Variants in DDAH1 observed in about 807,000 individuals in gnomAD.
The protein encoded by DDAH1 is dimethylarginine dimethylaminohydrolase 1, also known as N(G),N(G)-dimethylarginine dimethylaminohydrolase 1.
DDAH1 carries 19 observed loss-of-function variants against 28.8 expected under a neutral mutation model. The ratio of observed to expected loss-of-function variants is 0.66; its 90% CI spans 0.46 to 0.97. The LOEUF (loss-of-function observed/expected upper bound fraction) is 0.97. Ranked by LOEUF, DDAH1 falls within the 50% of genes least tolerant of loss-of-function variation. The pLI is 0.00. For synonymous variants in DDAH1, 153 were observed against 154.4 expected, an observed-to-expected ratio of 0.99 and a Z score of 0.07; for missense variants, 326 against 375.9, an observed-to-expected ratio of 0.87 and a Z score of 1.10.
chr1:85,342,179 A>G (rs762303521), intron 4 of DDAH1, among the ~76,000 whole-genome samples: 1 of 152,212 alleles, frequency 6.6e-6, no homozygotes, highest in African/African-American at 2.4e-5. Context: ...AATCCATGAA[A>G]TGGATTCTAA....
chr1:85,400,196 T>TC (rs1557582323), intron 1 of DDAH1, among the ~76,000 whole-genome samples: 2 of 103,118 alleles, frequency 1.9e-5, no homozygotes, highest in Non-Finnish European at 4.0e-5. Flanking sequence ...TTTTTTTTTT[T>TC]TTTTTTTTTT....
intron 1 of DDAH1, among the ~76,000 whole-genome samples, chr1:85,362,235 CAT>C (rs113776650): frequency 0.011 from 1,654 of 152,220 alleles, 34 homozygotes; most frequent in African/African-American, 0.037. Flanking sequence ...GCTGTCAAGA[CAT>C]GTGGCAAATT....
At chr1:85,574,817 G>A (rs540248772) in intron 1 of DDAH1, among the ~76,000 whole-genome samples, 13 of 152,250 alleles carry the variant, frequency 8.5e-5, no homozygotes, top group South Asian at 2.1e-4. Flanking sequence ...AGGCCGAGGC[G>A]GGTGGATCAC....
rs1020782062 is a variant in DDAH1 at position 85,465,114 on chromosome 1, T to C, written c.-69A>G. The C allele has an allele frequency of 2.5e-6, 3 of 1,182,694 alleles. No homozygotes were observed. The highest frequency in any genetic ancestry group is 3.8e-5 in the East Asian group (1 of 26,522). 73.3% of individuals were successfully genotyped at this position (1,182,694 alleles called of 1,614,324 possible). ...GGGTCCTGCCGCGGGCAGCGCGCGCTGAGCCTGCGAGCGCCCGTCGGCTCC... is the reference window on the plus strand; with the variant it reads ...GGGTCCTGCCGCGGGCAGCGCGCGCCGAGCCTGCGAGCGCCCGTCGGCTCC... On this transcript the variant is annotated 5_prime_UTR_variant, in exon 1 of 6. Transcript: ENST00000284031.
rs542481026 is a variant in DDAH1, at chr1:85,512,562, T to C, written c.-122-16281A>G. On this transcript the variant is annotated intron_variant, in intron 1 of 6. Coordinates refer to the DDAH1 transcript ENST00000426972. ...TTAGGAAAAGAGGAAGTCAAATTGT[T>C]CCTGTTTGCAGAGGACATGATTGTA... Among the ~76,000 whole-genome samples, 10 of 152,222 alleles carry C rather than the reference T, an allele frequency of 6.6e-5. No homozygotes were observed. In the South Asian group the frequency reaches 1.5e-3, roughly 22 times the overall value.
intron 4 of DDAH1, among the ~76,000 whole-genome samples, chr1:85,335,310 A>G (rs1648033165): frequency 6.6e-6 from 1 of 152,214 alleles, no homozygotes; most frequent in Non-Finnish European, 1.5e-5. Context: ...TTTTTAACTT[A>G]AAGATATAGA....
At chr1:85,437,626 TTA>T (rs1286611565) in intron 1 of DDAH1, among the ~76,000 whole-genome samples, 2 of 152,234 alleles carry the variant, frequency 1.3e-5, no homozygotes, top group Non-Finnish European at 2.9e-5. Flanking sequence ...TTAATGCACT[TTA>T]TGTTATTGGT....
chr1:85,513,156 T>C (rs1657308928), intron 1 of DDAH1, among the ~76,000 whole-genome samples: 1 of 152,236 alleles, frequency 6.6e-6, no homozygotes, highest in Non-Finnish European at 1.5e-5. Context: ...AACAGATATA[T>C]AGACCAATGG....
chr1:85,380,889 A>G (rs542379740), intron 1 of DDAH1, among the ~76,000 whole-genome samples: 2 of 152,152 alleles, frequency 1.3e-5, no homozygotes, highest in Non-Finnish European at 2.9e-5. Context: ...AAAAATTATA[A>G]ATTTTAAAAC....
chr1:85,358,894 C>A, intron 1 of DDAH1, 47 bp from the exon 2 acceptor site: 1 of 1,434,158 alleles, frequency 7.0e-7, no homozygotes, highest in South Asian at 1.2e-5. Flanking sequence ...AATTTCCTAA[C>A]AAGAAAAAAA....
At chr1:85,447,066 A>G (rs751278357) in intron 1 of DDAH1, among the ~76,000 whole-genome samples, 20 of 152,242 alleles carry the variant, frequency 1.3e-4, no homozygotes, top group Admixed American at 2.0e-4. Flanking sequence ...TCTTTCTTTC[A>G]TGACAGGTCA....
chr1:85,554,713 C>A (rs1199323911), intron 1 of DDAH1, among the ~76,000 whole-genome samples: 1 of 152,150 alleles, frequency 6.6e-6, no homozygotes, highest in East Asian at 1.9e-4. Context: ...CAGAAAGAAT[C>A]AATTGTTTTT....
chr1:85,525,121 T>C (rs1355957992), intron 1 of DDAH1, among the ~76,000 whole-genome samples: 1 of 151,524 alleles, frequency 6.6e-6, no homozygotes, highest in Non-Finnish European at 1.5e-5. Flanking sequence ...AGAGAGAACA[T>C]CACAGGCTAT....
chr1:85,460,102 T>C (rs1570572485), intron 1 of DDAH1, among the ~76,000 whole-genome samples: 3 of 152,192 alleles, frequency 2.0e-5, no homozygotes, highest in Non-Finnish European at 4.4e-5. Context: ...ATCTTTTGAA[T>C]AGGGTTAATA....
intron 1 of DDAH1, among the ~76,000 whole-genome samples, chr1:85,412,083 C>T (rs886072609): frequency 2.6e-5 from 4 of 152,170 alleles, no homozygotes; most frequent in Admixed American, 6.5e-5. Context: ...AAATTCCAGA[C>T]ATAGTGCCAA....
chr1:85,528,678 T>A (rs1218159752), intron 1 of DDAH1, among the ~76,000 whole-genome samples: 1 of 152,072 alleles, frequency 6.6e-6, no homozygotes, highest in Non-Finnish European at 1.5e-5. Flanking sequence ...CTATACCCCA[T>A]CCAATTTTTT....
At chr1:85,324,712 G>A in intron 5 of DDAH1, 28 bp downstream of exon 5, 4 of 1,613,044 alleles carry the variant, frequency 2.5e-6, no homozygotes, top group Non-Finnish European at 3.4e-6. Flanking sequence ...TGACCCAGCT[G>A]CAGTGGTCAG....
At chr1:85,475,997 G>T (rs1041777754) in intron 2 of DDAH1, among the ~76,000 whole-genome samples, 2 of 152,090 alleles carry the variant, frequency 1.3e-5, no homozygotes, top group Admixed American at 1.3e-4. Context: ...GACTAGAGGT[G>T]CACGCCACCA....
intron 1 of DDAH1, among the ~76,000 whole-genome samples, chr1:85,371,136 C>T (rs116192200): frequency 0.013 from 2,045 of 152,182 alleles, 29 homozygotes; most frequent in Non-Finnish European, 0.025. Flanking sequence ...TGCAAAAATC[C>T]CCCTTTGGCA....
Sources: gnomAD v4.1 joint callset for allele counts (sites outside exome capture counted in the v4.1 genomes callset) on GRCh38, gnomAD v4.1.1 for gene constraint, MANE v1.5 for transcripts, NCBI Gene and HGNC (gene_info 2026-07-23, HGNC 2026-07-21) for gene names.